Variants in PIK3C2A observed in about 807,000 individuals in gnomAD.
PIK3C2A encodes the protein phosphatidylinositol 4-phosphate 3-kinase C2 domain-containing subunit alpha.
A neutral mutation model predicts 204.5 loss-of-function variants in PIK3C2A; 97 were observed. The ratio of observed to expected loss-of-function variants is 0.47; its 90% CI spans 0.40 to 0.56. The LOEUF (loss-of-function observed/expected upper bound fraction) is 0.56, where lower values mean the gene tolerates loss of function less well. PIK3C2A is among the 20% of genes least tolerant of loss of function. The pLI is 0.00. For missense variants in PIK3C2A, 1,735 were observed against 1,969.2 expected, an observed-to-expected ratio of 0.88 and a Z score of 2.25; for synonymous variants, 653 against 664.4, an observed-to-expected ratio of 0.98 and a Z score of 0.26.
chr11:17,135,675 ATATGTGTGTG>A lies in PIK3C2A; in HGVS notation c.1849-526_1849-517del, dbSNP rs1252508295. ...GTTGATCACCTTCAAGTAATTTCAT[ATATGTGTGTG>A]TGTGTGTGTGTGTGTGTGTGTGTGT... On this transcript the variant is annotated intron_variant, in intron 9 of 32. Transcript: ENST00000691414. 1.7e-3 allele frequency among the ~76,000 whole-genome samples: 147 copies of A among 87,960 alleles called. 1 individual carries two copies. The highest frequency in any genetic ancestry group is 5.6e-3 in the African/African-American group (135 of 24,030). 57.7% of individuals were successfully genotyped at this position (87,960 alleles called of 152,430 possible).
At chr11:17,129,503 G>C in intron 12 of PIK3C2A, 36 bp from the exon 13 acceptor site, 1 of 1,340,024 alleles carries the variant, frequency 7.5e-7, no homozygotes, top group Non-Finnish European at 1.1e-6. Context: ...GAACAAATTA[G>C]ATTGAATGAT....
chr11:17,177,514 A>G (rs971249543), intron 1 of PIK3C2A, among the ~76,000 whole-genome samples: 1 of 152,216 alleles, frequency 6.6e-6, no homozygotes, highest in African/African-American at 2.4e-5. Context: ...TTGAGTTTAG[A>G]ATAAACAAGT....
intron 1 of PIK3C2A, among the ~76,000 whole-genome samples, chr11:17,192,736 C>T (rs761658340): frequency 7.2e-5 from 11 of 152,190 alleles, no homozygotes; most frequent in Non-Finnish European, 1.5e-4. Context: ...CGTAAGCCAC[C>T]GTGCCTGGCC....
chr11:17,090,194 C>T (rs1848263600), intron 32 of PIK3C2A, among the ~76,000 whole-genome samples: 1 of 152,206 alleles, frequency 6.6e-6, no homozygotes, highest in Non-Finnish European at 1.5e-5. Context: ...AGAGGCCAGG[C>T]ATGGTGGCTC....
intron 1 of PIK3C2A, among the ~76,000 whole-genome samples, 160 bp downstream of exon 1, chr11:17,207,688 G>T (rs1160277121): frequency 6.6e-6 from 1 of 152,110 alleles, no homozygotes; most frequent in Admixed American, 6.5e-5. Context: ...AGTCGGGCTG[G>T]GCAACGCCAA....
chr11:17,107,203 C>T (rs1203127891), intron 22 of PIK3C2A, among the ~76,000 whole-genome samples: 3 of 152,152 alleles, frequency 2.0e-5, no homozygotes, highest in African/African-American at 7.2e-5. Context: ...GTCCCAGCTA[C>T]TCGGGAGGCT....
intron 30 of PIK3C2A, 21 bp from the exon 31 acceptor site, chr11:17,091,677 A>T: frequency 1.4e-6 from 2 of 1,450,186 alleles, no homozygotes; most frequent in Non-Finnish European, 1.9e-6. Context: ...AAATATTTTC[A>T]TCTTTATTTA....
At chr11:17,197,513 A>G (rs1458560765) in intron 1 of PIK3C2A, among the ~76,000 whole-genome samples, 2 of 152,194 alleles carry the variant, frequency 1.3e-5, no homozygotes, top group Admixed American at 1.3e-4. Context: ...CATTCTACAC[A>G]TAAGTGATTC....
intron 23 of PIK3C2A, among the ~76,000 whole-genome samples, chr11:17,104,511 G>A (rs1263826362): frequency 1.3e-5 from 2 of 152,042 alleles, no homozygotes; most frequent in East Asian, 1.9e-4. Context: ...GGATCACAAG[G>A]TCAGGAGATC....
intron 5 of PIK3C2A, 72 bp downstream of exon 5, chr11:17,148,595 T>G: frequency 7.3e-7 from 1 of 1,368,272 alleles, no homozygotes; most frequent in Non-Finnish European, 1.0e-6. Context: ...AAATTTAACT[T>G]GAAATTTTTC....
chr11:17,155,570 T>C lies in PIK3C2A; in HGVS notation c.1125A>G (p.Glu375=). The C allele has an allele frequency of 6.2e-7, 1 of 1,608,198 alleles. No individual in the cohort carries two copies. Among genetic ancestry groups the C allele is most frequent in the Non-Finnish European group, 8.5e-7 (1 of 1,175,622 alleles). ...PTGSSLLQEV[E]VQNEEMAAFC... ...AAGCTGCCATCTCCTCATTCTGTAC[T>C]TCAACTTCTTGAAGAAGAGAACTTC... Residue 375 remains glutamate (E), a synonymous_variant, in exon 3 of 33, where the codon GAA becomes GAG. Coordinates refer to ENST00000691414, the MANE Select transcript of PIK3C2A (RefSeq NM_002645.4).
At chr11:17,119,150 A>T in intron 17 of PIK3C2A, 70 bp downstream of exon 17, 1 of 857,904 alleles carries the variant, frequency 1.2e-6, no homozygotes, top group Non-Finnish European at 1.9e-6. Flanking sequence ...CAGAATGGGG[A>T]TCCCTTAGCA....
chr11:17,168,923 C>A lies in PIK3C2A; in HGVS notation c.819G>T (p.Leu273Phe). The A allele has an allele frequency of 1.2e-6, 2 of 1,613,834 alleles. No homozygotes were observed. The highest frequency in any genetic ancestry group is 1.7e-5 in the Admixed American group (1 of 60,014). ...CCACCTTAGGCTTACTTAGAGGATC[C>A]AAGTCTAACCAGTCAAATTTACTGA... ...EDISKFDWLD[L>F]DPLSKPKVDN... The change falls in exon 2 of 33, where the codon TTG becomes TTT. Residue 273 changes from leucine (L) to phenylalanine (F), a missense_variant. Physicochemically the swap from Leu to Phe is conservative, Grantham distance 22. Transcript: ENST00000691414.
At chr11:17,100,073 A>G (rs1170305830) in intron 25 of PIK3C2A, 104 bp from the exon 26 acceptor site, 1 of 638,950 alleles carries the variant, frequency 1.6e-6, no homozygotes, top group East Asian at 2.7e-5. Flanking sequence ...AGCAAACAAA[A>G]ATAATCAGTC....
chr11:17,200,151 A>C (rs1591029998), intron 1 of PIK3C2A, among the ~76,000 whole-genome samples: 1 of 151,552 alleles, frequency 6.6e-6, no homozygotes, highest in African/African-American at 2.4e-5. Flanking sequence ...GCGCCACTGC[A>C]CTCCAGCCTG....
intron 8 of PIK3C2A, among the ~76,000 whole-genome samples, chr11:17,139,664 A>G (rs770375986): frequency 1.6e-4 from 24 of 152,152 alleles, no homozygotes; most frequent in Admixed American, 6.5e-4. Context: ...TCTACCCTAC[A>G]TCCTGTAATA....
At chr11:17,104,034 T>C (rs1399027840) in intron 23 of PIK3C2A, among the ~76,000 whole-genome samples, 1 of 152,164 alleles carries the variant, frequency 6.6e-6, no homozygotes, top group African/African-American at 2.4e-5. Context: ...GCATTAGCTT[T>C]GTAGGTCAAC....
intron 8 of PIK3C2A, among the ~76,000 whole-genome samples, chr11:17,138,542 CCTCA>C (rs1296598207): frequency 6.6e-6 from 1 of 152,132 alleles, no homozygotes; most frequent in Non-Finnish European, 1.5e-5. Flanking sequence ...TTATCACAGT[CCTCA>C]GAGTGTTTTA....
chr11:17,148,922 A>T, intron 4 of PIK3C2A, 135 bp from the exon 5 acceptor site: 1 of 582,602 alleles, frequency 1.7e-6, no homozygotes, highest in Non-Finnish European at 2.7e-6. Context: ...ATATAATTTT[A>T]AATTTTCTAG....
Sources: gnomAD v4.1 joint callset for allele counts (sites outside exome capture counted in the v4.1 genomes callset) on GRCh38, gnomAD v4.1.1 for gene constraint, MANE v1.5 for transcripts, NCBI Gene and HGNC (gene_info 2026-07-23, HGNC 2026-07-21) for gene names.